The following TANC1 variants were observed in gnomAD, a reference collection of about 807,000 sequenced individuals.
TANC1 encodes the protein tetratricopeptide repeat, ankyrin repeat and coiled-coil containing 1.
Under a neutral mutation model 149.7 loss-of-function variants are expected in TANC1, and 77 were observed. That is an observed-to-expected ratio of 0.51 (90% CI 0.43 to 0.62). The LOEUF is 0.62. Ranked by LOEUF, TANC1 falls within the 20% of genes least tolerant of loss-of-function variation. TANC1 has a pLI of 0.00. For missense variants in TANC1, 1,985 were observed against 2,321.8 expected, an observed-to-expected ratio of 0.85 and a Z score of 2.98; for synonymous variants, 854 against 925.0, an observed-to-expected ratio of 0.92 and a Z score of 1.39.
intron 1 of TANC1, among the ~76,000 whole-genome samples, chr2:158,988,048 C>T (rs1048897890): frequency 3.3e-5 from 5 of 151,980 alleles, no homozygotes; most frequent in East Asian, 1.9e-4. Flanking sequence ...AGTGGCCGGG[C>T]GTGGTGGCTC....
At position 159,229,828 on chromosome 2, in the gene TANC1, G is replaced by A. The variant is rs374584254; in HGVS notation, c.4402G>A (p.Glu1468Lys). ...ETEEEETSPQ[E>K]ESVSPTPRSQ... ...TGAAGAGGAAGAAACTTCTCCCCAG[G>A]AAGAATCTGTTTCCCCAACTCCCAG... The change falls in exon 27 of 27, where the codon GAA becomes AAA. Residue 1468 changes from glutamate to lysine, a missense_variant. Coordinates refer to ENST00000263635, the MANE Select transcript of TANC1 (RefSeq NM_033394.3). The A allele has an allele frequency of 6.4e-5, 104 of 1,613,880 alleles. No individual in the cohort carries two copies. The highest frequency in any genetic ancestry group is 8.3e-5 in the Non-Finnish European group (98 of 1,180,022).
At chr2:159,216,232 T>C (rs2059336622) in intron 19 of TANC1, among the ~76,000 whole-genome samples, 1 of 152,178 alleles carries the variant, frequency 6.6e-6, no homozygotes, top group African/African-American at 2.4e-5. Flanking sequence ...GGCCTGTTCT[T>C]GTGTTGCCCC....
intron 19 of TANC1, among the ~76,000 whole-genome samples, chr2:159,207,612 T>C (rs1230529352): frequency 6.9e-6 from 1 of 143,906 alleles, no homozygotes; most frequent in African/African-American, 2.6e-5. Context: ...AGTCAGGGAA[T>C]TCCTTGAACC....
intron 10 of TANC1, among the ~76,000 whole-genome samples, chr2:159,171,461 G>A (rs1335918562): frequency 2.6e-5 from 4 of 151,294 alleles, no homozygotes; most frequent in South Asian, 2.1e-4. Flanking sequence ...GGGAGACCTC[G>A]TCTCTACAAA....
chr2:159,064,863 C>G (rs999887317), intron 2 of TANC1, among the ~76,000 whole-genome samples: 1 of 152,052 alleles, frequency 6.6e-6, no homozygotes, highest in Admixed American at 6.5e-5. Context: ...GGGAGCCCTC[C>G]TACATAGGAG....
intron 5 of TANC1, among the ~76,000 whole-genome samples, chr2:159,138,675 T>C (rs1360899917): frequency 6.6e-6 from 1 of 152,246 alleles, no homozygotes; most frequent in African/African-American, 2.4e-5. Flanking sequence ...GTTATCTATA[T>C]TTCCCTTGGA....
At chr2:159,160,656 C>A (rs2053959504) in intron 7 of TANC1, among the ~76,000 whole-genome samples, 2 of 152,066 alleles carry the variant, frequency 1.3e-5, no homozygotes, top group South Asian at 4.1e-4. Context: ...CCTGTGTAGG[C>A]TACATCTGAT....
At chr2:159,228,381 CAT>C (rs2060144675) in intron 25 of TANC1, 1 of 257,640 alleles carries the variant, frequency 3.9e-6, no homozygotes, top group African/African-American at 2.2e-5. Context: ...GTGGGGAACT[CAT>C]AGTCGATTTG....
chr2:159,187,639 G>C (rs2057100712), intron 16 of TANC1, among the ~76,000 whole-genome samples: 1 of 152,150 alleles, frequency 6.6e-6, no homozygotes, highest in Non-Finnish European at 1.5e-5. Context: ...CAAGCAGCCT[G>C]TTAAGGCCAC....
At chr2:159,174,459 C>G (rs1221044868) in intron 11 of TANC1, among the ~76,000 whole-genome samples, 1 of 151,886 alleles carries the variant, frequency 6.6e-6, no homozygotes, top group Non-Finnish European at 1.5e-5. Context: ...GATCTTGACC[C>G]TCCTGACCAG....
chr2:159,071,427 A>G (rs1442143055), intron 3 of TANC1, among the ~76,000 whole-genome samples: 1 of 152,116 alleles, frequency 6.6e-6, no homozygotes, highest in Admixed American at 6.6e-5. Flanking sequence ...CCTTTCTCTC[A>G]TTAAAACCCA....
At chr2:159,228,125 A>G in intron 25 of TANC1, 160 bp downstream of exon 25, 3 of 776,344 alleles carry the variant, frequency 3.9e-6, no homozygotes. Flanking sequence ...CCTATCCGTG[A>G]CTATCGTTTG....
At chr2:159,092,609 T>C (rs2045667226) in intron 3 of TANC1, among the ~76,000 whole-genome samples, 1 of 152,244 alleles carries the variant, frequency 6.6e-6, no homozygotes, top group Non-Finnish European at 1.5e-5. Context: ...CTTGTATGCG[T>C]ATATATTTTT....
intron 24 of TANC1, 66 bp downstream of exon 24, chr2:159,225,845 T>A: frequency 8.6e-7 from 1 of 1,163,042 alleles, no homozygotes; most frequent in Non-Finnish European, 1.3e-6. Flanking sequence ...ATTGGGTACA[T>A]AATGGCTACA....
intron 2 of TANC1, among the ~76,000 whole-genome samples, chr2:159,046,236 A>G (rs113048052): frequency 5.6e-4 from 86 of 152,302 alleles, no homozygotes; most frequent in African/African-American, 2.1e-3. Context: ...GTGGTTTTAG[A>G]CTGCGTCTCT....
At position 159,185,845 on chromosome 2, in the gene TANC1, C is replaced by T; in HGVS notation, c.2565C>T (p.Asn855=). ...TCTCGCGTCAGGAGGGCAAGTTGAA[C>T]CGCCAGCAGACCATGGAGCTTGGCC... The part of the protein sequence containing the change: ...FMFSRQEGKL[N]RQQTMELGHH... The change falls in exon 15 of 27, where the codon AAC becomes AAT. Residue 855 remains asparagine (N), a synonymous_variant. Transcript: ENST00000263635. 1.9e-6 allele frequency: 3 copies of T among 1,614,156 alleles called. No homozygotes were observed. The highest frequency in any genetic ancestry group is 2.5e-6 in the Non-Finnish European group (3 of 1,180,014).
intron 7 of TANC1, among the ~76,000 whole-genome samples, chr2:159,156,245 T>C (rs1201130280): frequency 6.6e-6 from 1 of 152,234 alleles, no homozygotes; most frequent in Non-Finnish European, 1.5e-5. Context: ...CTACGTTGCC[T>C]GCAATTTTTA....
chr2:158,984,673 G>T (rs1241787259), intron 1 of TANC1, among the ~76,000 whole-genome samples: 2 of 152,128 alleles, frequency 1.3e-5, no homozygotes, highest in South Asian at 2.1e-4. Context: ...GCAGGAGGAG[G>T]AGGAGTAGGG....
chr2:159,101,424 A>T (rs2046690162), intron 4 of TANC1, among the ~76,000 whole-genome samples: 2 of 152,168 alleles, frequency 1.3e-5, no homozygotes, highest in South Asian at 4.1e-4. Context: ...CAATAATGTG[A>T]CCCTGCATGT....
Sources: allele counts gnomAD v4.1 joint callset (sites outside exome capture counted in the v4.1 genomes callset), GRCh38; gene constraint gnomAD v4.1.1; transcripts MANE v1.5; gene names NCBI Gene and HGNC (gene_info 2026-07-23, HGNC 2026-07-21).